The following APOM variants were observed in gnomAD, a reference collection of about 807,000 sequenced individuals.
The protein encoded by APOM is NG20-like protein.
Under a neutral mutation model 23.5 loss-of-function variants are expected in APOM, and 24 were observed. The observed-to-expected ratio is 1.02, with a 90% CI of 0.74 to 1.44. APOM has a LOEUF of 1.44. Among genes scored for constraint, APOM ranks in the 40% most tolerant of loss-of-function variants. The pLI, the probability that APOM is intolerant of heterozygous loss-of-function variation, is 0.00. For synonymous variants in APOM, 82 were observed against 84.1 expected (o/e 0.97, Z 0.14); for missense variants, 200 against 233.2 (o/e 0.86, Z 0.93).
chr6:31,656,687 C>T (rs1800106538), intron 2 of APOM, 61 bp downstream of exon 2: 3 of 1,576,802 alleles, frequency 1.9e-6, no homozygotes, highest in Non-Finnish European at 2.6e-6. Flanking sequence ...TGTGAGAATC[C>T]ACCCACCAAG....
rs749417439 is a variant in APOM, at chr6:31,658,133, G to T, written c.*44G>T. On this transcript the variant is annotated 3_prime_UTR_variant, in exon 6 of 6. Coordinates refer to ENST00000375916, the MANE Select transcript of APOM (RefSeq NM_019101.3). ...TCCCCAGATGGGTACAATGGGAGCT[G>T]AGTTGTTGGAGGGAGAAGCTGGAGA... 4.5e-5 allele frequency: 73 copies of T among 1,605,834 alleles called. No individual in the cohort carries two copies. Among genetic ancestry groups the T allele is most frequent in the Non-Finnish European group, 6.1e-5 (71 of 1,172,678 alleles).
chr6:31,657,355 A>G (rs1228942414), intron 3 of APOM, 25 bp from the exon 4 acceptor site: 10 of 1,612,794 alleles, frequency 6.2e-6, no homozygotes, highest in Non-Finnish European at 8.5e-6. Flanking sequence ...CTCTGTTCTC[A>G]TACTTCTCCC....
At chr6:31,655,877 G>A (rs919827899), upstream of APOM, 70 of 837,610 alleles carry the variant, frequency 8.4e-5, 1 homozygote, top group South Asian at 3.6e-4. Flanking sequence ...AGGGTCGAAC[G>A]CAAGGGAGCT....
chr6:31,655,306 T>G (rs543604289), upstream of APOM, among the ~76,000 whole-genome samples: 2 of 152,350 alleles, frequency 1.3e-5, no homozygotes, highest in South Asian at 4.1e-4. Context: ...CCAGATTACA[T>G]AGCCTCTTTG....
Position 31,657,230 on chromosome 6 carries a change from A to T in APOM, c.275A>T (p.Asp92Val). The T allele has an allele frequency of 6.2e-7, 1 of 1,612,944 alleles. No homozygotes were observed. Among genetic ancestry groups the T allele is most frequent in the Non-Finnish European group, 8.5e-7 (1 of 1,179,992 alleles). Reference protein sequence around the residue: ...LHLRATIRMKDGLCVPRKWIY... With the variant: ...LHLRATIRMKVGLCVPRKWIY... Reference sequence around the variant, plus strand: ...TGCCACCACCACCTCTGCAGGAAAGATGGGCTCTGTGTGCCCCGGAAATGG... The same window carrying T: ...TGCCACCACCACCTCTGCAGGAAAGTTGGGCTCTGTGTGCCCCGGAAATGG... Residue 92 changes from aspartate to valine, a missense_variant, in exon 3 of 6, where the codon GAT becomes GTT. Coordinates refer to ENST00000375916, the MANE Select transcript of APOM (RefSeq NM_019101.3).
At chr6:31,657,937 G>T in intron 5 of APOM, 127 bp from the exon 6 acceptor site, 1 of 1,078,334 alleles carries the variant, frequency 9.3e-7, no homozygotes, top group Non-Finnish European at 1.4e-6. Flanking sequence ...GGAGGGAAAA[G>T]AGCCTTAGAG....
At chr6:31,656,186 G>A (rs1800032022) in intron 1 of APOM, 106 bp downstream of exon 1, 3 of 927,488 alleles carry the variant, frequency 3.2e-6, no homozygotes, top group South Asian at 3.1e-5. Context: ...GAGGAAGGGG[G>A]TGTGAGTGTT....
chr6:31,653,707 G>A (rs542418060), upstream of APOM, among the ~76,000 whole-genome samples: 26 of 152,088 alleles, frequency 1.7e-4, no homozygotes, highest in African/African-American at 5.8e-4. Flanking sequence ...TTTGAGAGAG[G>A]GTCTCGCTTT....
At chr6:31,656,351 T>C (rs1800054545) in intron 1 of APOM, 121 bp from the exon 2 acceptor site, 3 of 1,106,164 alleles carry the variant, frequency 2.7e-6, no homozygotes, top group Non-Finnish European at 3.9e-6. Flanking sequence ...CAATCCCCAG[T>C]TGGAAAGAGG....
upstream of APOM, chr6:31,652,618 G>A (rs1269027172): frequency 6.6e-6 from 1 of 152,434 alleles, no homozygotes; most frequent in African/African-American, 2.4e-5. Context: ...ACCCCGAGGA[G>A]CCGCCACCGC....
chr6:31,657,859 G>A, intron 5 of APOM, 136 bp downstream of exon 5: 1 of 977,552 alleles, frequency 1.0e-6, no homozygotes, highest in Admixed American at 2.0e-5. Context: ...AGGCAGGATG[G>A]GTTCTGGGCT....
At position 31,656,489 on chromosome 6, in the gene APOM, G is replaced by A; in HGVS notation, c.132G>A (p.Leu44=). The change falls in exon 2 of 6, where the codon TTG becomes TTA. Residue 44 remains leucine (L), a synonymous_variant. Coordinates refer to ENST00000375916, the MANE Select transcript of APOM (RefSeq NM_019101.3). ...CTCTCCAGTTCCCAGAGGTCCACTT[G>A]GGCCAGTGGTACTTTATCGCAGGGG... ...VDGKEFPEVH[L]GQWYFIAGAA... is the part of the protein sequence containing the mutation. The A allele has an allele frequency of 6.2e-7, 1 of 1,614,054 alleles. No individual in the cohort carries two copies. The highest frequency in any genetic ancestry group is 8.5e-7 in the Non-Finnish European group (1 of 1,179,974).
In APOM at chr6:31,658,050, T is replaced by C; in HGVS notation, c.542-14T>C. ...CTTCCCTTCTGTCCTTCTTTTTCCC[T>C]CCCCCCATCACAGAGGCCTGTGAGC... On this transcript the variant is annotated splice_polypyrimidine_tract_variant and intron_variant, in intron 5 of 5. Coordinates refer to ENST00000375916, the MANE Select transcript of APOM (RefSeq NM_019101.3). The C allele has an allele frequency of 6.2e-7, 1 of 1,613,846 alleles. No homozygotes were observed. The highest frequency in any genetic ancestry group is 8.5e-7 in the Non-Finnish European group (1 of 1,179,894).
At position 31,656,680 on chromosome 6, in the gene APOM, G is replaced by T. The variant is rs947396491; in HGVS notation, c.269+54G>T. On this transcript the variant is annotated intron_variant, in intron 2 of 5. Transcript: ENST00000375916. ...TGGGTTCAGTCTCTGCCCAAAGTGTGAGAATCCACCCACCAAGAGCTGGCC... is the reference window on the plus strand; with the variant it reads ...TGGGTTCAGTCTCTGCCCAAAGTGTTAGAATCCACCCACCAAGAGCTGGCC... 5.7e-6 allele frequency: 9 copies of T among 1,584,458 alleles called. No homozygotes were observed. The African/African-American group carries it at 1.1e-4, about 19-fold the overall frequency.
upstream of APOM, among the ~76,000 whole-genome samples, chr6:31,653,575 A>T (rs1053079329): frequency 6.6e-6 from 1 of 152,222 alleles, no homozygotes; most frequent in African/African-American, 2.4e-5. Flanking sequence ...AACATTTTTT[A>T]AGTGAGTACA....
chr6:31,654,017 C>T (rs1799573582), upstream of APOM, among the ~76,000 whole-genome samples: 1 of 151,998 alleles, frequency 6.6e-6, no homozygotes, highest in Non-Finnish European at 1.5e-5. Flanking sequence ...GAGGATGAGG[C>T]GGGTGGATCA....
At chr6:31,657,822 G>T in intron 5 of APOM, 99 bp downstream of exon 5, 1 of 1,180,780 alleles carries the variant, frequency 8.5e-7, no homozygotes, top group Non-Finnish European at 1.3e-6. Flanking sequence ...GAGGGATGTG[G>T]CTAAGAGCTG....
chr6:31,653,696 T>G (rs1799375066), upstream of APOM, among the ~76,000 whole-genome samples: 1 of 152,188 alleles, frequency 6.6e-6, no homozygotes, highest in Admixed American at 6.5e-5. Flanking sequence ...TAGCTTATTT[T>G]TTTGAGAGAG....
At position 31,656,473 on chromosome 6, in the gene APOM, T is replaced by C; in HGVS notation, c.116T>C (p.Phe39Ser). The C allele has an allele frequency of 1.2e-6, 2 of 1,613,924 alleles. No individual in the cohort carries two copies. The highest frequency in any genetic ancestry group is 2.2e-5 in the South Asian group (2 of 91,052). Residue 39 changes from phenylalanine to serine, a missense_variant and splice_region_variant, in exon 2 of 6, where the codon TTC (phenylalanine) becomes TCC (serine). Phe to Ser is a radical substitution (Grantham distance 155). Transcript: ENST00000375916. ...LTTLGVDGKE[F>S]PEVHLGQWYF... is the part of the protein sequence containing the mutation. ...TTGCTCCCTTCATTGTCTCTCCAGT[T>C]CCCAGAGGTCCACTTGGGCCAGTGG...
Sources: gnomAD v4.1 joint callset for allele counts (sites outside exome capture counted in the v4.1 genomes callset) on GRCh38, gnomAD v4.1.1 for gene constraint, MANE v1.5 for transcripts, NCBI Gene and HGNC (gene_info 2026-07-23, HGNC 2026-07-21) for gene names.